The following CTNNA3 variants were observed in gnomAD, a reference collection of about 807,000 sequenced individuals.
CTNNA3 encodes catenin alpha-3.
CTNNA3 carries 76 observed loss-of-function variants against 95.7 expected under a neutral mutation model. That is an observed-to-expected ratio of 0.79 (90% confidence interval 0.66 to 0.96). CTNNA3 has a LOEUF of 0.96. Among genes scored for constraint, CTNNA3 ranks in the 40% least tolerant of loss-of-function variants. The pLI is 0.00. For missense variants in CTNNA3, 1,191 were observed against 1,089.8 expected (o/e 1.09, Z -1.31); for synonymous variants, 431 against 374.4 (o/e 1.15, Z -1.74).
At chr10:67,116,075 G>A (rs1260737815) in intron 7 of CTNNA3, among the ~76,000 whole-genome samples, 1 of 151,618 alleles carries the variant, frequency 6.6e-6, no homozygotes, top group Non-Finnish European at 1.5e-5. Flanking sequence ...CCAACTAGAT[G>A]AGTCAACTAT....
At chr10:67,671,637 G>A (rs1398495530) in intron 1 of CTNNA3, among the ~76,000 whole-genome samples, 21 of 151,464 alleles carry the variant, frequency 1.4e-4, no homozygotes, top group African/African-American at 5.1e-4. Context: ...GCGATAGTTT[G>A]CTGAGAATGA....
rs1406136721 is a variant in CTNNA3, at chr10:67,563,473, C to G, written c.293-23804G>C. On this transcript the variant is annotated intron_variant, in intron 3 of 17. Transcript: ENST00000433211. ...GCTAAAACTGAATCCCTTCCTTACA[C>G]CTTATACAAAAATTAATTCAAGATG... 3.3e-5 allele frequency among the ~76,000 whole-genome samples: 5 copies of G among 152,134 alleles called. No individual in the cohort carries two copies. The East Asian group carries it at 9.6e-4, about 29-fold the overall frequency.
chr10:67,068,045 G>C (rs191304470), intron 7 of CTNNA3, among the ~76,000 whole-genome samples: 3 of 152,292 alleles, frequency 2.0e-5, no homozygotes, highest in African/African-American at 7.2e-5. Context: ...CCTAGTAAGA[G>C]AAATAAATGC....
At chr10:67,741,764 T>C (rs1340201768) in intron 1 of CTNNA3, among the ~76,000 whole-genome samples, 1 of 150,882 alleles carries the variant, frequency 6.6e-6, no homozygotes, top group East Asian at 1.9e-4. Context: ...GGAAACCCAT[T>C]TCACGTGCAC....
chr10:66,702,997 T>C (rs1450230310), intron 9 of CTNNA3, among the ~76,000 whole-genome samples: 3 of 152,148 alleles, frequency 2.0e-5, no homozygotes, highest in African/African-American at 7.2e-5. Context: ...CAATGAAGAA[T>C]TGGAATCTCA....
At chr10:66,226,409 A>G (rs1189539246) in intron 13 of CTNNA3, among the ~76,000 whole-genome samples, 2 of 152,034 alleles carry the variant, frequency 1.3e-5, no homozygotes, top group African/African-American at 4.8e-5. Flanking sequence ...CCATTTGTCT[A>G]TGTGTCTGTT....
At chr10:67,292,473 C>T (rs778100123) in intron 5 of CTNNA3, among the ~76,000 whole-genome samples, 49 of 152,000 alleles carry the variant, frequency 3.2e-4, no homozygotes, top group Non-Finnish European at 6.2e-4. Context: ...AAACAATAAG[C>T]GCAATGATTG....
chr10:66,330,841 A>G (rs1169129911), intron 12 of CTNNA3, among the ~76,000 whole-genome samples: 1 of 83,510 alleles, frequency 1.2e-5, no homozygotes, highest in Admixed American at 1.2e-4. Flanking sequence ...GCATTTTTTC[A>G]TGTGTTTTTC....
intron 7 of CTNNA3, among the ~76,000 whole-genome samples, chr10:66,989,976 GT>G (rs1445963773): frequency 2.0e-5 from 3 of 152,174 alleles, no homozygotes; most frequent in Admixed American, 6.5e-5. Flanking sequence ...CAATATCTTA[GT>G]TTATACACAC....
At chr10:67,729,235 C>T (rs746347942) in intron 1 of CTNNA3, among the ~76,000 whole-genome samples, 8 of 152,064 alleles carry the variant, frequency 5.3e-5, no homozygotes, top group Non-Finnish European at 8.8e-5. Flanking sequence ...CACTTTAAGC[C>T]TGTTCATAGG....
At chr10:66,859,456 C>T (rs1843816624) in intron 7 of CTNNA3, among the ~76,000 whole-genome samples, 2 of 151,884 alleles carry the variant, frequency 1.3e-5, no homozygotes, top group South Asian at 2.1e-4. Context: ...CAAATCAAAA[C>T]CACAATGAGA....
chr10:67,468,657 C>T (rs1230131697), intron 5 of CTNNA3, among the ~76,000 whole-genome samples: 1 of 152,020 alleles, frequency 6.6e-6, no homozygotes, highest in Non-Finnish European at 1.5e-5. Context: ...TCTGCTGGTG[C>T]TATTAAGAAG....
At chr10:66,594,244 C>A (rs1316036757) in intron 10 of CTNNA3, among the ~76,000 whole-genome samples, 1 of 152,118 alleles carries the variant, frequency 6.6e-6, no homozygotes, top group Non-Finnish European at 1.5e-5. Flanking sequence ...ATTCCTATTA[C>A]CACTCTTTCC....
At chr10:66,337,618 A>C (rs2092411253) in intron 12 of CTNNA3, among the ~76,000 whole-genome samples, 1 of 152,090 alleles carries the variant, frequency 6.6e-6, no homozygotes, top group Non-Finnish European at 1.5e-5. Context: ...AAAAAGATTT[A>C]AAAACTTGTT....
intron 10 of CTNNA3, among the ~76,000 whole-genome samples, chr10:66,578,193 A>G (rs981441459): frequency 2.0e-5 from 3 of 151,980 alleles, no homozygotes; most frequent in Admixed American, 6.6e-5. Context: ...AAACTTTACT[A>G]AGGTCATTTA....
In CTNNA3 at chr10:67,582,543, G is replaced by A. The variant is rs547852569; in HGVS notation, c.292+24314C>T. Among the ~76,000 whole-genome samples the A allele has an allele frequency of 2.3e-3, 350 of 152,316 alleles. 1 individual carries two copies. Among genetic ancestry groups the A allele is most frequent in the Non-Finnish European group, 3.7e-3 (249 of 68,028 alleles). On this transcript the variant is annotated intron_variant, in intron 3 of 17. Coordinates refer to ENST00000433211, the MANE Select transcript of CTNNA3 (RefSeq NM_013266.4). ...AGAAGAATGTATATTCTGTTGGTTT[G>A]GGGTGGAGAGCTCTGTAGATGTCTA...
intron 4 of CTNNA3, among the ~76,000 whole-genome samples, chr10:67,536,163 C>G (rs1447179942): frequency 6.6e-6 from 1 of 151,916 alleles, no homozygotes; most frequent in East Asian, 1.9e-4. Flanking sequence ...ATGGTATTTA[C>G]CATATAAAGA....
In CTNNA3 at chr10:67,130,351, C is replaced by T. The variant is rs551823053; in HGVS notation, c.1047+49966G>A. Among the ~76,000 whole-genome samples the T allele has an allele frequency of 7.8e-4, 118 of 152,188 alleles. 1 individual carries two copies. Among genetic ancestry groups the T allele is most frequent in the African/African-American group, 2.6e-3 (110 of 41,524 alleles). ...ACTTATAGGGCAGGCAGGGAGAAGC[C>T]ACCCTCTATGAGGGAGGTGAGGAAA... On this transcript the variant is annotated intron_variant, in intron 7 of 17. Coordinates refer to ENST00000433211, the MANE Select transcript of CTNNA3 (RefSeq NM_013266.4).
intron 5 of CTNNA3, among the ~76,000 whole-genome samples, chr10:67,362,465 C>T (rs1327926750): frequency 1.3e-5 from 2 of 152,006 alleles, no homozygotes; most frequent in Non-Finnish European, 2.9e-5. Flanking sequence ...AACAGTGATT[C>T]AATATATGCA....
Sources: gnomAD v4.1 joint callset for allele counts (sites outside exome capture counted in the v4.1 genomes callset) on GRCh38, gnomAD v4.1.1 for gene constraint, MANE v1.5 for transcripts, NCBI Gene and HGNC (gene_info 2026-07-23, HGNC 2026-07-21) for gene names.